The following LRRC49 variants were observed in gnomAD, a reference collection of about 807,000 sequenced individuals.
The protein encoded by LRRC49 is leucine-rich repeat-containing protein 49.
LRRC49 carries 50 observed loss-of-function variants against 83.3 expected under a neutral mutation model. That is an observed-to-expected ratio of 0.60 (90% CI 0.48 to 0.76). LRRC49 has a LOEUF of 0.76. Ranked by LOEUF, LRRC49 falls within the 30% of genes least tolerant of loss-of-function variation. The pLI is 0.00. For synonymous variants in LRRC49, 286 were observed against 283.3 expected, an observed-to-expected ratio of 1.01 and a Z score of -0.10; for missense variants, 704 against 809.1, an observed-to-expected ratio of 0.87 and a Z score of 1.58.
chr15:70,853,885 C>A (rs2032564610), intron 1 of LRRC49: 1 of 1,289,656 alleles, frequency 7.8e-7, no homozygotes. Context: ...GCCGCCGCGC[C>A]TACCTGTGCC....
intron 8 of LRRC49, among the ~76,000 whole-genome samples, chr15:70,957,267 A>C (rs1228256750): frequency 6.6e-6 from 1 of 152,198 alleles, no homozygotes; most frequent in African/African-American, 2.4e-5. Flanking sequence ...TAGACTCTAC[A>C]ATCTGGCTTG....
intron 15 of LRRC49, among the ~76,000 whole-genome samples, chr15:71,043,564 G>C (rs1016542526): frequency 1.3e-5 from 2 of 152,172 alleles, no homozygotes; most frequent in Non-Finnish European, 2.9e-5. Context: ...ATCCTGGACA[G>C]GCAGAGTGAG....
intron 9 of LRRC49, among the ~76,000 whole-genome samples, chr15:70,970,631 G>A (rs916740789): frequency 3.3e-5 from 5 of 152,036 alleles, no homozygotes; most frequent in African/African-American, 9.7e-5. Context: ...TTTTTGGTTG[G>A]TAGGCTATTA....
intron 8 of LRRC49, among the ~76,000 whole-genome samples, chr15:70,947,361 A>G (rs2036045649): frequency 6.6e-6 from 1 of 152,192 alleles, no homozygotes; most frequent in South Asian, 2.1e-4. Flanking sequence ...TTGATTATGT[A>G]TCTTTATGTT....
At chr15:70,987,045 T>G (rs1363980156) in intron 11 of LRRC49, among the ~76,000 whole-genome samples, 5 of 152,228 alleles carry the variant, frequency 3.3e-5, no homozygotes, top group Admixed American at 6.5e-5. Flanking sequence ...GCCAGTATTT[T>G]ATTGAGGATT....
intron 6 of LRRC49, among the ~76,000 whole-genome samples, chr15:70,912,837 C>T (rs1480856718): frequency 6.6e-6 from 1 of 151,912 alleles, no homozygotes. Context: ...CCACCATACC[C>T]GGCTAATTTT....
chr15:70,921,561 G>A (rs1464273918), intron 7 of LRRC49, among the ~76,000 whole-genome samples: 1 of 152,170 alleles, frequency 6.6e-6, no homozygotes, highest in Non-Finnish European at 1.5e-5. Flanking sequence ...GTCCATGCCT[G>A]CTCATTGTAT....
intron 8 of LRRC49, 112 bp from the exon 9 acceptor site, chr15:70,963,673 T>C (rs2036689107): frequency 8.2e-6 from 10 of 1,224,050 alleles, no homozygotes; most frequent in Non-Finnish European, 1.1e-5. Flanking sequence ...CTCTGTACTA[T>C]CTTCTCAATT....
rs1567117615 is a variant in LRRC49, at chr15:71,049,504, G to A, written c.1953G>A (p.Lys651=). 2 of 1,613,870 alleles carry A rather than the reference G, an allele frequency of 1.2e-6. No individual in the cohort carries two copies. Among genetic ancestry groups the A allele is most frequent in the African/African-American group, 1.3e-5 (1 of 75,044 alleles). The change falls in exon 16 of 16, where the codon AAG becomes AAA. Residue 651 remains lysine, a synonymous_variant. Transcript: ENST00000260382. The stretch of plus-strand genomic sequence containing the variant: ...ACATGAAAAATGAGGCTTTGCAGAA[G>A]CTTTGGCCACAGATGTTCATTGAGC... ...EINMKNEALQ[K]LWPQMFIELV...
chr15:70,870,865 A>G (rs1267854947), intron 1 of LRRC49, among the ~76,000 whole-genome samples: 9 of 152,238 alleles, frequency 5.9e-5, no homozygotes, highest in African/African-American at 1.9e-4. Flanking sequence ...TTGTAACTAA[A>G]AAATGATTGC....
At chr15:70,891,436 A>C (rs1050228288), upstream of LRRC49, among the ~76,000 whole-genome samples, 1 of 152,170 alleles carries the variant, frequency 6.6e-6, no homozygotes, top group Non-Finnish European at 1.5e-5. Context: ...GACTTTCCTC[A>C]AGCTTATGTA....
At chr15:71,011,147 T>C (rs1470655185) in intron 13 of LRRC49, among the ~76,000 whole-genome samples, 26 of 152,110 alleles carry the variant, frequency 1.7e-4, no homozygotes, top group Non-Finnish European at 8.8e-5. Flanking sequence ...GAGGGTTGGC[T>C]CAGTCTTGTG....
At chr15:70,963,046 C>T (rs761683040) in intron 8 of LRRC49, among the ~76,000 whole-genome samples, 5 of 151,680 alleles carry the variant, frequency 3.3e-5, no homozygotes, top group Non-Finnish European at 5.9e-5. Flanking sequence ...GTGGGAGGAT[C>T]GCTTAAACAG....
intron 1 of LRRC49, among the ~76,000 whole-genome samples, chr15:70,864,804 T>G (rs2032875748): frequency 6.6e-6 from 1 of 152,158 alleles, no homozygotes; most frequent in South Asian, 2.1e-4. Context: ...CAGTTTCAGT[T>G]TGGGTTCTTC....
At chr15:70,866,296 G>A (rs1223446262) in intron 1 of LRRC49, among the ~76,000 whole-genome samples, 2 of 152,024 alleles carry the variant, frequency 1.3e-5, no homozygotes, top group Non-Finnish European at 2.9e-5. Context: ...ACAGGCGTGT[G>A]CCACCATGCC....
intron 8 of LRRC49, among the ~76,000 whole-genome samples, chr15:70,958,771 G>A (rs1038256792): frequency 3.3e-5 from 5 of 152,138 alleles, no homozygotes; most frequent in African/African-American, 7.2e-5. Context: ...TATGAGTTGC[G>A]TATAAATTGT....
upstream of LRRC49, among the ~76,000 whole-genome samples, chr15:70,889,328 T>C (rs906031747): frequency 6.6e-6 from 1 of 151,734 alleles, no homozygotes; most frequent in East Asian, 1.9e-4. Context: ...ACACAGAAAA[T>C]GGCTACAGTA....
At chr15:70,992,697 G>A (rs1038768205) in intron 11 of LRRC49, among the ~76,000 whole-genome samples, 81 of 152,202 alleles carry the variant, frequency 5.3e-4, no homozygotes, top group African/African-American at 1.6e-3. Context: ...GCAGAACAGC[G>A]AATATTGCTC....
chr15:70,997,962 T>C (rs1249649698), intron 11 of LRRC49, among the ~76,000 whole-genome samples: 14 of 152,220 alleles, frequency 9.2e-5, no homozygotes, highest in Non-Finnish European at 8.8e-5. Flanking sequence ...CCTTTCTTGT[T>C]CCTTTTACCA....
Sources: allele counts gnomAD v4.1 joint callset (sites outside exome capture counted in the v4.1 genomes callset), GRCh38; gene constraint gnomAD v4.1.1; transcripts MANE v1.5; gene names NCBI Gene and HGNC (gene_info 2026-07-23, HGNC 2026-07-21).